MYH14: variants seen among roughly 807,000 people sequenced by gnomAD.
MYH14 encodes myosin heavy chain 14.
Under a neutral mutation model 255.5 loss-of-function variants are expected in MYH14, and 123 were observed. The observed-to-expected ratio is 0.48, with a 90% CI of 0.42 to 0.56. MYH14 has a LOEUF of 0.56. MYH14 is among the 20% of genes least tolerant of loss of function. The pLI is 0.00. For missense variants in MYH14, 2,423 were observed against 2,802.3 expected (o/e 0.86, Z 3.06); for synonymous variants, 1,095 against 1,161.2 (o/e 0.94, Z 1.16).
Position 50,259,168 on chromosome 19 carries a change from G to A in MYH14, c.2257G>A (p.Val753Met), listed in dbSNP as rs367822041. The A allele has an allele frequency of 1.3e-6, 2 of 1,561,812 alleles. No individual in the cohort carries two copies. Among genetic ancestry groups the A allele is most frequent in the African/African-American group, 1.4e-5 (1 of 73,562 alleles). The change falls in exon 19 of 43, where the codon GTG (valine) becomes ATG (methionine). Residue 753 changes from valine to methionine, a missense_variant. Around this residue, in one of 3 missense-constraint regions of MYH14, gnomAD observed 672 missense variants for 881.8 expected, o/e 0.76. Transcript: ENST00000642316. Reference protein sequence around the residue: ...KRAGKLEPRLVLDQLRCNGVL... With the variant: ...KRAGKLEPRLMLDQLRCNGVL... ...GGCCGGGAAGCTGGAGCCACGGCTG[G>A]TGCTGGACCAGCTTCGCTGCAACGG...
At chr19:50,303,394 T>C (rs537730749) in intron 40 of MYH14, among the ~76,000 whole-genome samples, 58 of 152,342 alleles carry the variant, frequency 3.8e-4, no homozygotes, top group African/African-American at 1.3e-3. Context: ...ATTGTTCATA[T>C]GACAGAGTCA....
At chr19:50,264,314 T>C (rs2035004387) in intron 22 of MYH14, among the ~76,000 whole-genome samples, 1 of 152,146 alleles carries the variant, frequency 6.6e-6, no homozygotes, top group South Asian at 2.1e-4. Context: ...CATGGTGACC[T>C]CAGTTACTCA....
At chr19:50,206,452 A>C (rs996113690) in intron 1 of MYH14, among the ~76,000 whole-genome samples, 1 of 151,838 alleles carries the variant, frequency 6.6e-6, no homozygotes. Flanking sequence ...AGTCCCAGGG[A>C]TGGAGTTTGG....
In MYH14 at chr19:50,271,315, G is replaced by A; in HGVS notation, c.3034-94G>A. ...GACATCTCTGAACCACAAGCCGCGG[G>A]GATCCGTGGGCCAGCCATCCCCGCT... is the stretch of plus-strand genomic sequence containing the variant. On this transcript the variant is annotated intron_variant, in intron 24 of 42. Transcript: ENST00000642316. 4 of 1,354,616 alleles carry A rather than the reference G, an allele frequency of 3.0e-6. No homozygotes were observed. The South Asian group carries it at 5.4e-5, about 18-fold the overall frequency. The allele number at this position is 1,354,616 out of a possible 1,614,324, so 83.9% of individuals were successfully genotyped here.
chr19:50,293,314 C>T lies in MYH14; in HGVS notation c.5338C>T (p.Leu1780Phe). ...EMADEVANGN[L>F]SKAAILEEKR... ...GGCAGATGAGGTGGCCAATGGTAAC[C>T]TTAGCAAGTAAGTGCCCCAAGGGTC... Residue 1780 changes from leucine to phenylalanine, a missense_variant, in exon 38 of 43, where the codon CTT becomes TTT. Coordinates refer to ENST00000642316, the MANE Select transcript of MYH14 (RefSeq NM_001145809.2). The surrounding 1 kb of genome is among the most constrained non-coding windows in gnomAD (Gnocchi z 4.1). 6.2e-7 allele frequency: 1 copy of T among 1,603,956 alleles called. No homozygotes were observed. The highest frequency in any genetic ancestry group is 8.5e-7 in the Non-Finnish European group (1 of 1,175,442).
At position 50,249,837 on chromosome 19, in the gene MYH14, C is replaced by T; in HGVS notation, c.1656+14C>T. On this transcript the variant is annotated intron_variant, in intron 14 of 42. Coordinates refer to ENST00000642316, the MANE Select transcript of MYH14 (RefSeq NM_001145809.2). The stretch of plus-strand genomic sequence containing the variant: ...ATCGAGCGGCCGGTGAGCCCCAGGC[C>T]CCTCCCAGCCCACACTCACGGTTCA... The T allele has an allele frequency of 6.2e-7, 1 of 1,613,722 alleles. No individual in the cohort carries two copies. The highest frequency in any genetic ancestry group is 8.5e-7 in the Non-Finnish European group (1 of 1,179,786).
At chr19:50,220,211 T>G (rs993539566) in intron 3 of MYH14, among the ~76,000 whole-genome samples, 3 of 151,960 alleles carry the variant, frequency 2.0e-5, no homozygotes, top group African/African-American at 7.2e-5. Context: ...CAGTCCTACC[T>G]CAGGGCCTGA....
chr19:50,248,057 C>T (rs1422934998), intron 12 of MYH14, among the ~76,000 whole-genome samples: 2 of 41,636 alleles, frequency 4.8e-5, no homozygotes, highest in Admixed American at 3.6e-4. Context: ...GAGACTCTGT[C>T]TCAAAAAAAA....
At position 50,309,745 on chromosome 19, in the gene MYH14, G is replaced by A. The variant is rs1354969052; in HGVS notation, c.6066G>A (p.Gly2022=). The A allele has an allele frequency of 1.9e-6, 3 of 1,592,874 alleles. No individual in the cohort carries two copies. Among genetic ancestry groups the A allele is most frequent in the Middle Eastern group, 1.7e-4 (1 of 6,048 alleles). The change falls in exon 43 of 43, where the codon GGG becomes GGA. Residue 2022 remains glycine (G), a synonymous_variant. Coordinates refer to ENST00000642316, the MANE Select transcript of MYH14 (RefSeq NM_001145809.2). ...CAGAGGAAGCACAGCCTGGGTCTGG[G>A]CCATCCCCGGAGCCTGAGGGGTCCC... is the stretch of plus-strand genomic sequence containing the variant. The part of the protein sequence containing the change: ...EEAEEAQPGS[G]PSPEPEGSPP...
intron 2 of MYH14, among the ~76,000 whole-genome samples, chr19:50,216,686 A>G (rs1454259832): frequency 2.0e-5 from 3 of 151,644 alleles, no homozygotes; most frequent in Admixed American, 6.6e-5. Context: ...AACCGCAGGT[A>G]TGTTCCTGTT....
chr19:50,277,228 A>G (rs1057484124), intron 29 of MYH14, among the ~76,000 whole-genome samples: 1 of 152,152 alleles, frequency 6.6e-6, no homozygotes, highest in Non-Finnish European at 1.5e-5. Flanking sequence ...GCCATAATGA[A>G]CAGGAAAAAG....
intron 16 of MYH14, 75 bp from the exon 17 acceptor site, chr19:50,255,145 T>C: frequency 1.0e-6 from 1 of 960,846 alleles, no homozygotes; most frequent in South Asian, 1.4e-5. Context: ...CCTTCCCCTC[T>C]TTTCATGCAT....
At chr19:50,223,517 G>T (rs2032945254) in intron 5 of MYH14, 168 bp downstream of exon 5, 2 of 648,090 alleles carry the variant, frequency 3.1e-6, no homozygotes, top group Admixed American at 4.4e-5. Context: ...AGCAGAGTCA[G>T]GGGGACACAG....
chr19:50,263,326 G>T lies in MYH14; in HGVS notation c.2600G>T (p.Arg867Leu), dbSNP rs547836952. The T allele has an allele frequency of 3.8e-6, 6 of 1,562,448 alleles. No homozygotes were observed. Among genetic ancestry groups the T allele is most frequent in the Non-Finnish European group, 5.2e-6 (6 of 1,153,300 alleles). ...GYLARRAFQK[R>L]QQQQSALRVM... ...TCCCCACCCAGGGCCTTCCAGAAGCGCCAGCAGCAGCAGAGCGCCCTGAGG... is the reference window on the plus strand; with the variant it reads ...TCCCCACCCAGGGCCTTCCAGAAGCTCCAGCAGCAGCAGAGCGCCCTGAGG... The change falls in exon 22 of 43, where the codon CGC becomes CTC. Residue 867 changes from arginine to leucine, a missense_variant. By Grantham distance (102) the Arg-to-Leu change is moderately radical. Transcript: ENST00000642316.
chr19:50,234,690 A>G (rs1000424189), intron 10 of MYH14, among the ~76,000 whole-genome samples: 4 of 151,066 alleles, frequency 2.6e-5, no homozygotes, highest in African/African-American at 9.7e-5. Context: ...TGGGCCTCCC[A>G]GCCTGTCCTC....
chr19:50,274,020 G>T (rs1296015050), intron 27 of MYH14, among the ~76,000 whole-genome samples: 3 of 151,952 alleles, frequency 2.0e-5, no homozygotes, highest in Non-Finnish European at 4.4e-5. Context: ...CACCTCTCTA[G>T]CCTCAGTTTT....
chr19:50,258,018 G>A (rs2034656908), intron 18 of MYH14, among the ~76,000 whole-genome samples: 1 of 152,120 alleles, frequency 6.6e-6, no homozygotes, highest in African/African-American at 2.4e-5. Context: ...TTGTTGCATG[G>A]GTGTGACAAG....
intron 15 of MYH14, among the ~76,000 whole-genome samples, chr19:50,251,724 C>T (rs1482895503): frequency 1.3e-5 from 2 of 151,990 alleles, no homozygotes; most frequent in East Asian, 3.9e-4. Context: ...ATTACAGGCA[C>T]CTGCCACCAT....
chr19:50,259,716 T>A (rs987993283), intron 19 of MYH14, among the ~76,000 whole-genome samples: 2 of 152,014 alleles, frequency 1.3e-5, no homozygotes, highest in Non-Finnish European at 2.9e-5. Context: ...CCATCTCTAC[T>A]AAAAATACAA....
Sources: allele counts gnomAD v4.1 joint callset (sites outside exome capture counted in the v4.1 genomes callset), GRCh38; gene constraint gnomAD v4.1.1; regional missense constraint gnomAD v4.1.1; non-coding constraint Gnocchi (gnomAD v3.1); transcripts MANE v1.5; gene names NCBI Gene and HGNC (gene_info 2026-07-23, HGNC 2026-07-21).